Variants in ACBD6 observed in about 807,000 individuals in gnomAD.
ACBD6 encodes the protein acyl-CoA-binding domain-containing protein 6.
ACBD6 carries 28 observed loss-of-function variants against 37.2 expected under a neutral mutation model. That is an observed-to-expected ratio of 0.75 (90% CI 0.56 to 1.03). The LOEUF (loss-of-function observed/expected upper bound fraction) is 1.03. Ranked by LOEUF, ACBD6 falls within the 50% of genes least tolerant of loss-of-function variation. ACBD6 has a pLI of 0.00. For missense variants in ACBD6, 340 were observed against 337.4 expected (o/e 1.01, Z -0.06); for synonymous variants, 113 against 126.8 (o/e 0.89, Z 0.73).
In ACBD6 at chr1:180,493,263, AAAAAAAAAAAAAAAAC is replaced by A. The variant is rs1389104098; in HGVS notation, c.288-914_288-899del. ...ATTCTGTCTCAAAAAAAAAAAAAAA[AAAAAAAAAAAAAAAAC>A]AACAACAGCAACTAAAGAATACTAA... On this transcript the variant is annotated intron_variant, in intron 2 of 7. Transcript: ENST00000367595. Among the ~76,000 whole-genome samples the A allele has an allele frequency of 5.0e-5, 7 of 140,682 alleles. No individual in the cohort carries two copies. In the East Asian group the frequency reaches 6.0e-4, roughly 12 times the overall value. The allele number at this position is 140,682 out of a possible 152,430, so 92.3% of individuals were successfully genotyped here.
At chr1:180,500,761 C>T (rs1344080522) in intron 1 of ACBD6, among the ~76,000 whole-genome samples, 3 of 142,424 alleles carry the variant, frequency 2.1e-5, no homozygotes, top group Non-Finnish European at 4.5e-5. Flanking sequence ...GCACTTTGGG[C>T]AGGTGGATCG....
At chr1:180,452,696 G>GC (rs1286614455) in intron 3 of ACBD6, among the ~76,000 whole-genome samples, 4 of 1,034 alleles carry the variant, frequency 3.9e-3, no homozygotes, top group Non-Finnish European at 6.5e-3. Flanking sequence ...AAAGAGAGAA[G>GC]ATTCAATAGA....
chr1:180,431,812 A>T (rs1648822885), intron 3 of ACBD6, among the ~76,000 whole-genome samples: 1 of 152,202 alleles, frequency 6.6e-6, no homozygotes, highest in Non-Finnish European at 1.5e-5. Flanking sequence ...AGTGGCAAGC[A>T]TAGCTTCTTA....
At chr1:180,395,460 T>C (rs1407118764) in intron 6 of ACBD6, among the ~76,000 whole-genome samples, 1 of 152,188 alleles carries the variant, frequency 6.6e-6, no homozygotes, top group East Asian at 1.9e-4. Context: ...ACACCAGTGT[T>C]GTGTGATTTT....
At chr1:180,444,281 C>A (rs1649394946) in intron 3 of ACBD6, among the ~76,000 whole-genome samples, 1 of 142,952 alleles carries the variant, frequency 7.0e-6, no homozygotes, top group African/African-American at 2.8e-5. Flanking sequence ...GAGATTCCGT[C>A]TCTCCAAAAA....
At chr1:180,389,599 C>G (rs1026772654) in intron 6 of ACBD6, among the ~76,000 whole-genome samples, 3 of 152,218 alleles carry the variant, frequency 2.0e-5, no homozygotes, top group African/African-American at 7.2e-5. Context: ...AATGGTTGAA[C>G]TAGTTTAAAG....
chr1:180,482,017 T>C (rs1029161112), intron 3 of ACBD6, among the ~76,000 whole-genome samples: 2 of 152,188 alleles, frequency 1.3e-5, no homozygotes, highest in Non-Finnish European at 2.9e-5. Flanking sequence ...AAATATTCTC[T>C]AGCATAAGGC....
intron 6 of ACBD6, among the ~76,000 whole-genome samples, chr1:180,353,190 A>C (rs1257977042): frequency 6.6e-6 from 1 of 152,228 alleles, no homozygotes; most frequent in Non-Finnish European, 1.5e-5. Flanking sequence ...GGTACATAAA[A>C]GGTAGACACT....
chr1:180,288,168 C>A, downstream of ACBD6: 1 of 677,074 alleles, frequency 1.5e-6, no homozygotes, highest in East Asian at 2.9e-5. Context: ...TACACATGTT[C>A]ATCACCAAAA....
chr1:180,502,365 C>T lies in ACBD6; in HGVS notation c.-99G>A, dbSNP rs1409746424. On this transcript the variant is annotated 5_prime_UTR_variant, in exon 1 of 8. Coordinates refer to ENST00000367595, the MANE Select transcript of ACBD6 (RefSeq NM_032360.4). ...CTGGCCCACCAGTCTGGGTCGCGAG[C>T]CTGAGCTCCAGTCGGACCCAAGCTC... 2 of 1,356,038 alleles carry T rather than the reference C, an allele frequency of 1.5e-6. No homozygotes were observed. The highest frequency in any genetic ancestry group is 1.4e-5 in the African/African-American group (1 of 69,640). 84.0% of individuals were successfully genotyped at this position (1,356,038 alleles called of 1,614,324 possible).
At chr1:180,454,846 T>C (rs887730991) in intron 3 of ACBD6, among the ~76,000 whole-genome samples, 2 of 152,110 alleles carry the variant, frequency 1.3e-5, no homozygotes, top group African/African-American at 2.4e-5. Flanking sequence ...GTTAGAATGG[T>C]GATCATTAAA....
chr1:180,318,168 C>CCT (rs1553291891), intron 6 of ACBD6, among the ~76,000 whole-genome samples: 3 of 84,284 alleles, frequency 3.6e-5, no homozygotes, highest in African/African-American at 1.3e-4. Context: ...TCTCCGCCCC[C>CCT]CCCCCCCAAA....
chr1:180,290,746 C>T lies in ACBD6; in HGVS notation c.695-2229G>A, dbSNP rs141120253. Among the ~76,000 whole-genome samples, 12 of 152,224 alleles carry T rather than the reference C, an allele frequency of 7.9e-5. No individual in the cohort carries two copies. In the East Asian group the frequency reaches 1.9e-3, roughly 24 times the overall value. ...TGAGAAGGAAAGGCATTGCAGAATGCGAAAATACCACTAGGAGAGGCATGA... is the reference window on the plus strand; with the variant it reads ...TGAGAAGGAAAGGCATTGCAGAATGTGAAAATACCACTAGGAGAGGCATGA... On this transcript the variant is annotated intron_variant, in intron 7 of 7. Transcript: ENST00000367595.
chr1:180,414,758 TTTTAAGTAAGAAATCATG>T (rs1271890757), intron 4 of ACBD6, among the ~76,000 whole-genome samples: 1 of 152,014 alleles, frequency 6.6e-6, no homozygotes, highest in Non-Finnish European at 1.5e-5. Context: ...ATGATGTAGG[TTTTAAGTAAGAAATCATG>T]TTTAATAGGA....
chr1:180,274,755 C>T (rs1225794230), exon 10 of ACBD6: 13 of 725,664 alleles, frequency 1.8e-5, no homozygotes, highest in Non-Finnish European at 2.9e-5. Context: ...CATTGTTTCC[C>T]TGGGGAAGCA....
chr1:180,350,023 CTTT>C (rs371542775), intron 6 of ACBD6, among the ~76,000 whole-genome samples: 4,488 of 65,264 alleles, frequency 0.069, 155 homozygotes, highest in East Asian at 0.37. Context: ...TCCAGTGACC[CTTT>C]TTTTTTTTTT....
At chr1:180,290,151 T>C (rs1183362899) in intron 7 of ACBD6, among the ~76,000 whole-genome samples, 2 of 150,690 alleles carry the variant, frequency 1.3e-5, no homozygotes, top group Non-Finnish European at 2.9e-5. Context: ...TTTGTTGTTG[T>C]TGTTGCTCAT....
intron 6 of ACBD6, among the ~76,000 whole-genome samples, chr1:180,390,626 T>C (rs910572972): frequency 2.6e-5 from 4 of 152,200 alleles, no homozygotes; most frequent in Admixed American, 2.0e-4. Context: ...TGATTCTTCC[T>C]ACCCATGAGC....
intron 6 of ACBD6, among the ~76,000 whole-genome samples, chr1:180,357,841 A>G (rs1652686667): frequency 6.6e-6 from 1 of 152,152 alleles, no homozygotes; most frequent in Admixed American, 6.6e-5. Context: ...GGTGCTAGAG[A>G]CTTGATGCTC....
Sources: allele counts gnomAD v4.1 joint callset (sites outside exome capture counted in the v4.1 genomes callset), GRCh38; gene constraint gnomAD v4.1.1; transcripts MANE v1.5; gene names NCBI Gene and HGNC (gene_info 2026-07-23, HGNC 2026-07-21).